Variants in GPC5 observed in about 807,000 individuals in gnomAD.
The protein encoded by GPC5 is glypican 5.
In GPC5, 47 loss-of-function variants were observed where a neutral mutation model predicts 53.9. The observed-to-expected ratio is 0.87, with a 90% CI of 0.69 to 1.11. GPC5 has a LOEUF of 1.11. Ranked by LOEUF, GPC5 falls within the 50% of genes most tolerant of loss-of-function variation. The pLI is 0.00. For missense variants in GPC5, 748 were observed against 713.1 expected (o/e 1.05, Z -0.56); for synonymous variants, 286 against 263.3 (o/e 1.09, Z -0.84).
At chr13:92,449,495 A>G (rs1782294627) in intron 7 of GPC5, among the ~76,000 whole-genome samples, 1 of 152,226 alleles carries the variant, frequency 6.6e-6, no homozygotes, top group South Asian at 2.1e-4. Flanking sequence ...TGTAAATCAA[A>G]TATGAATACA....
At chr13:91,827,113 G>C (rs2038587689) in intron 5 of GPC5, among the ~76,000 whole-genome samples, 1 of 151,940 alleles carries the variant, frequency 6.6e-6, no homozygotes, top group South Asian at 2.1e-4. Flanking sequence ...ATAAATGCTT[G>C]TGGTGGAAGA....
At chr13:91,822,314 A>G (rs1456303038) in intron 5 of GPC5, among the ~76,000 whole-genome samples, 1 of 152,154 alleles carries the variant, frequency 6.6e-6, no homozygotes, top group East Asian at 1.9e-4. Context: ...TTCCATGGAC[A>G]CTCTTTGCTC....
At chr13:92,227,025 T>C (rs2042492020) in intron 7 of GPC5, among the ~76,000 whole-genome samples, 1 of 152,202 alleles carries the variant, frequency 6.6e-6, no homozygotes, top group South Asian at 2.1e-4. Context: ...GTCAGTACAC[T>C]GAGACATTAA....
chr13:91,554,165 C>T (rs866736780), intron 2 of GPC5, among the ~76,000 whole-genome samples: 2 of 151,870 alleles, frequency 1.3e-5, no homozygotes, highest in South Asian at 4.1e-4. Context: ...TTTAAAAAGA[C>T]AAAAGCATTT....
intron 7 of GPC5, among the ~76,000 whole-genome samples, chr13:92,691,272 G>C (rs199814850): frequency 8.5e-6 from 1 of 118,152 alleles, no homozygotes; most frequent in Non-Finnish European, 1.7e-5. Context: ...CTCATGGTGC[G>C]CCGTTTCTTA....
At chr13:91,774,031 A>G (rs953227953) in intron 5 of GPC5, among the ~76,000 whole-genome samples, 3 of 152,160 alleles carry the variant, frequency 2.0e-5, no homozygotes, top group Non-Finnish European at 4.4e-5. Context: ...TTGCAAATGC[A>G]TTGCTTTTCT....
At chr13:91,543,883 C>T (rs1220114151) in intron 2 of GPC5, among the ~76,000 whole-genome samples, 1 of 152,000 alleles carries the variant, frequency 6.6e-6, no homozygotes, top group Non-Finnish European at 1.5e-5. Flanking sequence ...ATCAAAGTTT[C>T]TTTTGAAATA....
At chr13:91,483,562 C>T (rs566941350) in intron 2 of GPC5, among the ~76,000 whole-genome samples, 19 of 152,120 alleles carry the variant, frequency 1.2e-4, no homozygotes, top group Non-Finnish European at 2.1e-4. Context: ...CCAGAGCTTC[C>T]GTGATTTCTG....
intron 7 of GPC5, among the ~76,000 whole-genome samples, chr13:92,811,577 A>G (rs1022726612): frequency 6.6e-6 from 1 of 151,896 alleles, no homozygotes; most frequent in African/African-American, 2.4e-5. Flanking sequence ...TTGCCTTTTT[A>G]GTTTCTTAAT....
At chr13:92,128,473 C>T (rs745430120) in intron 6 of GPC5, among the ~76,000 whole-genome samples, 11 of 152,330 alleles carry the variant, frequency 7.2e-5, no homozygotes, top group Non-Finnish European at 1.3e-4. Flanking sequence ...TACTGCCTTT[C>T]CCTTGTCCTG....
intron 7 of GPC5, among the ~76,000 whole-genome samples, chr13:92,582,880 G>A (rs73621550): frequency 0.012 from 1,794 of 151,920 alleles, 38 homozygotes; most frequent in African/African-American, 0.041. Flanking sequence ...ATTTCTAATA[G>A]TTTCTTTGTG....
intron 7 of GPC5, among the ~76,000 whole-genome samples, chr13:92,535,893 G>A (rs761723663): frequency 2.2e-4 from 34 of 152,188 alleles, no homozygotes; most frequent in Admixed American, 9.8e-4. Flanking sequence ...GGAGTAGTGT[G>A]AGCATTGATA....
At chr13:92,556,181 A>G (rs1645185880) in intron 7 of GPC5, among the ~76,000 whole-genome samples, 1 of 151,762 alleles carries the variant, frequency 6.6e-6, no homozygotes, top group South Asian at 2.1e-4. Flanking sequence ...TTTGCTTTTT[A>G]CAAGTATTCC....
intron 2 of GPC5, among the ~76,000 whole-genome samples, chr13:91,516,143 C>A (rs192167591): frequency 1.3e-5 from 2 of 152,002 alleles, no homozygotes; most frequent in African/African-American, 4.8e-5. Context: ...CCACCCCTGG[C>A]GGAACCAATT....
rs1045566986 is a variant in GPC5 at position 92,811,864 on chromosome 13, T to C, written c.1562-54418T>C. On this transcript the variant is annotated intron_variant, in intron 7 of 7. Coordinates refer to ENST00000377067, the MANE Select transcript of GPC5 (RefSeq NM_004466.6). The stretch of plus-strand genomic sequence containing the variant: ...CAGCAATGTCTGTTGAAGATACTTC[T>C]TTTTCCTTTGAATGGACTAAGCATT... Among the ~76,000 whole-genome samples the C allele has an allele frequency of 2.0e-5, 3 of 151,950 alleles. 1 individual carries two copies. Among genetic ancestry groups the C allele is most frequent in the African/African-American group, 7.3e-5 (3 of 41,274 alleles).
intron 7 of GPC5, among the ~76,000 whole-genome samples, chr13:92,526,775 AT>A (rs1881298346): frequency 6.6e-6 from 1 of 151,852 alleles, no homozygotes; most frequent in African/African-American, 2.4e-5. Context: ...CAAGTGAAAG[AT>A]TTGAAATGTG....
At chr13:92,865,179 T>C (rs1355931415) in intron 7 of GPC5, among the ~76,000 whole-genome samples, 1 of 152,178 alleles carries the variant, frequency 6.6e-6, no homozygotes, top group Non-Finnish European at 1.5e-5. Flanking sequence ...TCAGGTTTCA[T>C]AACGTACGGA....
At chr13:92,776,058 A>G (rs952049898) in intron 7 of GPC5, among the ~76,000 whole-genome samples, 9 of 152,224 alleles carry the variant, frequency 5.9e-5, no homozygotes, top group Non-Finnish European at 1.3e-4. Context: ...AAAACAACAC[A>G]GATGTATTAT....
intron 7 of GPC5, among the ~76,000 whole-genome samples, chr13:92,661,231 T>G (rs1453538400): frequency 6.6e-6 from 1 of 151,826 alleles, no homozygotes; most frequent in African/African-American, 2.4e-5. Flanking sequence ...AGAGGTAATG[T>G]CTGCAGTTAG....
Sources: gnomAD v4.1 joint callset for allele counts (sites outside exome capture counted in the v4.1 genomes callset) on GRCh38, gnomAD v4.1.1 for gene constraint, MANE v1.5 for transcripts, NCBI Gene and HGNC (gene_info 2026-07-23, HGNC 2026-07-21) for gene names.